FTO: variants seen among roughly 807,000 people sequenced by gnomAD.
FTO encodes alpha-ketoglutarate-dependent dioxygenase FTO.
A neutral mutation model predicts 63.9 loss-of-function variants in FTO; 47 were observed. That is an observed-to-expected ratio of 0.74 (90% CI 0.58 to 0.94). The LOEUF (loss-of-function observed/expected upper bound fraction) is 0.94, where lower values mean the gene tolerates loss of function less well. Ranked by LOEUF, FTO falls within the 40% of genes least tolerant of loss-of-function variation. The pLI, the probability that FTO is intolerant of heterozygous loss-of-function variation, is 0.00. For missense variants in FTO, 562 were observed against 618.1 expected, an observed-to-expected ratio of 0.91 and a Z score of 0.96; for synonymous variants, 207 against 224.4, an observed-to-expected ratio of 0.92 and a Z score of 0.69.
At chr16:53,763,122 A>T (rs999024926) in intron 1 of FTO, among the ~76,000 whole-genome samples, 1 of 152,204 alleles carries the variant, frequency 6.6e-6, no homozygotes, top group Non-Finnish European at 1.5e-5. Flanking sequence ...TATTTAGGAA[A>T]GGTTTGGAAG....
chr16:53,760,256 GTGTGTT>G (rs1471409208), intron 1 of FTO, among the ~76,000 whole-genome samples: 2 of 120,172 alleles, frequency 1.7e-5, no homozygotes, highest in Non-Finnish European at 1.7e-5. Flanking sequence ...GTGTGTGTGT[GTGTGTT>G]TTTTGGAGAC....
At chr16:53,844,336 G>A (rs775676674) in intron 4 of FTO, 38 bp downstream of exon 4, 2 of 1,462,014 alleles carry the variant, frequency 1.4e-6, no homozygotes, top group Non-Finnish European at 1.9e-6. Flanking sequence ...TGAAACTCTA[G>A]TGTCTAAATT....
intron 7 of FTO, among the ~76,000 whole-genome samples, chr16:53,915,354 A>C (rs964865645): frequency 2.0e-5 from 3 of 152,226 alleles, no homozygotes; most frequent in Non-Finnish European, 4.4e-5. Context: ...ATTGACCAAT[A>C]ATACTTTATT....
intron 3 of FTO, among the ~76,000 whole-genome samples, chr16:53,834,701 A>G (rs896050185): frequency 6.6e-6 from 1 of 152,060 alleles, no homozygotes; most frequent in Non-Finnish European, 1.5e-5. Context: ...TTTGCTAAGG[A>G]AAAAAAAGCA....
At chr16:53,955,765 G>A (rs2082914347) in intron 8 of FTO, among the ~76,000 whole-genome samples, 1 of 152,154 alleles carries the variant, frequency 6.6e-6, no homozygotes, top group South Asian at 2.1e-4. Context: ...TTGACCATAA[G>A]TACATCATGA....
chr16:53,883,640 A>AAAAAAAAAAC (rs2080915580), intron 6 of FTO, among the ~76,000 whole-genome samples: 3 of 150,196 alleles, frequency 2.0e-5, no homozygotes, highest in African/African-American at 7.4e-5. Context: ...AAAAAACAAA[A>AAAAAAAAAAC]AAAAAAAAAC....
At chr16:53,992,446 C>T (rs2083832943) in intron 8 of FTO, 1 of 152,058 alleles carries the variant, frequency 6.6e-6, no homozygotes, top group African/African-American at 2.4e-5. Context: ...AAAGATGGTT[C>T]CTTTCTGCTG....
rs144710532 is a variant in FTO, at chr16:53,968,444, C to T, written c.1364+34335C>T. ...ATAAAACCAAGTACAGCACCATCAT[C>T]GCCACCCTCCTCCAGAAATTCTGGT... On this transcript the variant is annotated intron_variant, in intron 8 of 8. Coordinates refer to ENST00000471389, the MANE Select transcript of FTO (RefSeq NM_001080432.3). 1.7e-4 allele frequency among the ~76,000 whole-genome samples: 26 copies of T among 152,254 alleles called. 1 individual carries two copies. In the East Asian group the frequency reaches 4.4e-3, roughly 26 times the overall value.
At chr16:53,840,792 G>A (rs1286839741) in intron 3 of FTO, among the ~76,000 whole-genome samples, 1 of 152,096 alleles carries the variant, frequency 6.6e-6, no homozygotes, top group Non-Finnish European at 1.5e-5. Flanking sequence ...GACTAGCAAA[G>A]GTCACGTCCT....
At chr16:54,079,587 G>T (rs2086089250) in intron 8 of FTO, among the ~76,000 whole-genome samples, 1 of 152,174 alleles carries the variant, frequency 6.6e-6, no homozygotes, top group Non-Finnish European at 1.5e-5. Flanking sequence ...TGCAGGAAGT[G>T]CAATAGAGAG....
intron 2 of FTO, among the ~76,000 whole-genome samples, chr16:53,818,770 C>T (rs2078769686): frequency 6.6e-6 from 1 of 151,738 alleles, no homozygotes; most frequent in African/African-American, 2.4e-5. Context: ...CTACTGACTT[C>T]CAAACAGTTA....
chr16:53,989,226 T>A (rs1410522934), intron 8 of FTO, among the ~76,000 whole-genome samples: 1 of 152,082 alleles, frequency 6.6e-6, no homozygotes, highest in Admixed American at 6.6e-5. Context: ...ACAGGTGGCA[T>A]TTCAAGCTTC....
chr16:53,941,337 C>G (rs1330624224), intron 8 of FTO, among the ~76,000 whole-genome samples: 1 of 152,204 alleles, frequency 6.6e-6, no homozygotes, highest in Non-Finnish European at 1.5e-5. Context: ...TAGCACACAC[C>G]CTTTAACTCT....
intron 8 of FTO, among the ~76,000 whole-genome samples, chr16:54,061,234 A>C (rs1298864894): frequency 1.3e-5 from 2 of 152,190 alleles, no homozygotes; most frequent in Non-Finnish European, 2.9e-5. Context: ...TAGTGAAATG[A>C]CTTCAAAAGT....
chr16:53,950,046 G>C (rs567719809), intron 8 of FTO, among the ~76,000 whole-genome samples: 22 of 146,974 alleles, frequency 1.5e-4, no homozygotes, highest in Middle Eastern at 7.0e-3. Flanking sequence ...TTTTTTTGGG[G>C]GGGGAAAGTA....
At chr16:54,006,243 C>T (rs2084201884) in intron 8 of FTO, among the ~76,000 whole-genome samples, 2 of 152,280 alleles carry the variant, frequency 1.3e-5, no homozygotes, top group Admixed American at 1.3e-4. Flanking sequence ...CTTATTTCAA[C>T]AGATATTTTG....
chr16:53,714,810 T>A (rs2075855236), intron 1 of FTO, among the ~76,000 whole-genome samples: 1 of 152,148 alleles, frequency 6.6e-6, no homozygotes, highest in Non-Finnish European at 1.5e-5. Flanking sequence ...GAGTTGCATA[T>A]GCAGACTGCA....
intron 5 of FTO, 114 bp downstream of exon 5, chr16:53,873,979 T>A: frequency 1.3e-6 from 1 of 779,632 alleles, no homozygotes; most frequent in Non-Finnish European, 2.2e-6. Context: ...TGCTTCCATC[T>A]AACTTGACTT....
intron 1 of FTO, among the ~76,000 whole-genome samples, chr16:53,770,693 T>C (rs1355944747): frequency 6.6e-6 from 1 of 152,194 alleles, no homozygotes; most frequent in African/African-American, 2.4e-5. Context: ...ACTGCTGTGA[T>C]ATCCAAGAAC....
Sources: allele counts gnomAD v4.1 joint callset (sites outside exome capture counted in the v4.1 genomes callset), GRCh38; gene constraint gnomAD v4.1.1; transcripts MANE v1.5; gene names NCBI Gene and HGNC (gene_info 2026-07-23, HGNC 2026-07-21).